The following KHDRBS2 variants were observed in gnomAD, a reference collection of about 807,000 sequenced individuals.
KHDRBS2 encodes the protein KH RNA binding domain containing, signal transduction associated 2, also known as KH domain-containing, RNA-binding, signal transduction-associated protein 2.
Under a neutral mutation model 44.3 loss-of-function variants are expected in KHDRBS2, and 26 were observed. The ratio of observed to expected loss-of-function variants is 0.59; its 90% CI spans 0.43 to 0.81. KHDRBS2 has a LOEUF of 0.81. Among genes scored for constraint, KHDRBS2 ranks in the 40% least tolerant of loss-of-function variants. KHDRBS2 has a pLI of 0.00. For missense variants in KHDRBS2, 476 were observed against 433.1 expected, an observed-to-expected ratio of 1.10 and a Z score of -0.88; for synonymous variants, 194 against 151.1, an observed-to-expected ratio of 1.28 and a Z score of -2.08.
intron 8 of KHDRBS2, among the ~76,000 whole-genome samples, chr6:61,693,372 T>A (rs1240558454): frequency 6.6e-6 from 1 of 152,142 alleles, no homozygotes; most frequent in African/African-American, 2.4e-5. Context: ...TGCAAGGTTA[T>A]GGTGCTGAGC....
At chr6:61,893,439 C>T (rs1384411956) in intron 6 of KHDRBS2, among the ~76,000 whole-genome samples, 1 of 152,180 alleles carries the variant, frequency 6.6e-6, no homozygotes, top group African/African-American at 2.4e-5. Flanking sequence ...GCTATAAAGA[C>T]ACATGCACAC....
chr6:61,950,592 T>C (rs1443293236), intron 4 of KHDRBS2, among the ~76,000 whole-genome samples: 1 of 152,020 alleles, frequency 6.6e-6, no homozygotes, highest in Non-Finnish European at 1.5e-5. Context: ...TCTTGATGGA[T>C]TTATTTCAAC....
intron 2 of KHDRBS2, among the ~76,000 whole-genome samples, chr6:62,062,405 G>T (rs1255365752): frequency 6.8e-6 from 1 of 147,766 alleles, no homozygotes; most frequent in Non-Finnish European, 1.5e-5. Flanking sequence ...AAATGTAAAA[G>T]AACAGAAATT....
intron 2 of KHDRBS2, among the ~76,000 whole-genome samples, chr6:62,065,343 T>C (rs964670702): frequency 8.6e-5 from 13 of 151,930 alleles, no homozygotes; most frequent in Non-Finnish European, 1.0e-4. Context: ...TGTATGTTTA[T>C]TGCGGCATTA....
At chr6:61,871,769 A>C (rs1356152263) in intron 6 of KHDRBS2, among the ~76,000 whole-genome samples, 1 of 152,210 alleles carries the variant, frequency 6.6e-6, no homozygotes, top group Non-Finnish European at 1.5e-5. Flanking sequence ...TTCATAAGCG[A>C]AGGAGAAATA....
the KHDRBS2 span, among the ~76,000 whole-genome samples, chr6:61,568,398 T>A: frequency 6.6e-6 from 1 of 152,256 alleles, no homozygotes; most frequent in Admixed American, 6.5e-5. Flanking sequence ...AGAGGGTGTG[T>A]TAAGACAGCA....
chr6:62,110,413 G>T (rs1190759960), intron 2 of KHDRBS2, among the ~76,000 whole-genome samples: 1 of 151,838 alleles, frequency 6.6e-6, no homozygotes, highest in Non-Finnish European at 1.5e-5. Context: ...AGCCAAACTT[G>T]GAAAGAAACC....
chr6:62,094,695 C>T (rs1475186089), intron 2 of KHDRBS2, among the ~76,000 whole-genome samples: 1 of 151,896 alleles, frequency 6.6e-6, no homozygotes, highest in African/African-American at 2.4e-5. Flanking sequence ...AGTTTCAGTT[C>T]TTATATTTAA....
At chr6:61,820,758 G>A (rs1789770563) in intron 6 of KHDRBS2, among the ~76,000 whole-genome samples, 1 of 151,960 alleles carries the variant, frequency 6.6e-6, no homozygotes, top group African/African-American at 2.4e-5. Flanking sequence ...TTTGCTGGCA[G>A]ATTTCTTATG....
intron 2 of KHDRBS2, among the ~76,000 whole-genome samples, chr6:62,097,546 T>C (rs1324599671): frequency 2.0e-5 from 3 of 152,072 alleles, no homozygotes; most frequent in East Asian, 1.9e-4. Flanking sequence ...GCATAGCTAA[T>C]CCAGCTCTTT....
At chr6:61,590,130 T>G in the KHDRBS2 span, among the ~76,000 whole-genome samples, 4 of 152,200 alleles carry the variant, frequency 2.6e-5, no homozygotes, top group Non-Finnish European at 5.9e-5. Flanking sequence ...TGCCCATTTT[T>G]TTTGCATTCC....
chr6:61,551,879 G>C, the KHDRBS2 span, among the ~76,000 whole-genome samples: 1 of 152,026 alleles, frequency 6.6e-6, no homozygotes, highest in South Asian at 2.1e-4. Context: ...TTTTAAATTA[G>C]TTTTTTCCTA....
chr6:62,248,439 ACCT>A (rs1835978328), intron 1 of KHDRBS2, among the ~76,000 whole-genome samples: 1 of 151,840 alleles, frequency 6.6e-6, no homozygotes. Flanking sequence ...GCTCACTGCA[ACCT>A]CTACCTCCTG....
At chr6:62,163,450 GAT>G (rs1818047417) in intron 2 of KHDRBS2, among the ~76,000 whole-genome samples, 1 of 151,990 alleles carries the variant, frequency 6.6e-6, no homozygotes, top group Non-Finnish European at 1.5e-5. Context: ...TATACAGACT[GAT>G]GAGTAGCACA....
At chr6:62,107,996 A>C (rs2127380400) in intron 2 of KHDRBS2, among the ~76,000 whole-genome samples, 1 of 152,312 alleles carries the variant, frequency 6.6e-6, no homozygotes, top group East Asian at 1.9e-4. Flanking sequence ...AAACCCTAGA[A>C]GAAAACGTAG....
chr6:61,910,982 A>T (rs1805951516), intron 4 of KHDRBS2, among the ~76,000 whole-genome samples: 2 of 152,188 alleles, frequency 1.3e-5, no homozygotes, highest in African/African-American at 4.8e-5. Context: ...ATCCACCTTT[A>T]TTTAAAAGTA....
At chr6:62,123,331 C>T (rs1808152334) in intron 2 of KHDRBS2, among the ~76,000 whole-genome samples, 1 of 152,168 alleles carries the variant, frequency 6.6e-6, no homozygotes, top group African/African-American at 2.4e-5. Context: ...CAAGTCTTTG[C>T]TATTGTGAAT....
At chr6:62,235,889 A>G (rs76103789) in intron 1 of KHDRBS2, among the ~76,000 whole-genome samples, 67 of 152,206 alleles carry the variant, frequency 4.4e-4, no homozygotes, top group African/African-American at 1.6e-3. Context: ...AAACATTTTT[A>G]TTTAACATTA....
At chr6:61,990,779 G>A (rs1386038574) in intron 3 of KHDRBS2, among the ~76,000 whole-genome samples, 2 of 151,126 alleles carry the variant, frequency 1.3e-5, no homozygotes, top group Non-Finnish European at 2.9e-5. Flanking sequence ...GTGCGATCTC[G>A]GCTCACTGCA....
Sources: gnomAD v4.1 joint callset for allele counts (sites outside exome capture counted in the v4.1 genomes callset) on GRCh38, gnomAD v4.1.1 for gene constraint, MANE v1.5 for transcripts, NCBI Gene and HGNC (gene_info 2026-07-23, HGNC 2026-07-21) for gene names.